ARHGAP39: variants seen among roughly 807,000 people sequenced by gnomAD.
The protein encoded by ARHGAP39 is Rho GTPase activating protein 39.
Under a neutral mutation model 106.9 loss-of-function variants are expected in ARHGAP39, and 44 were observed. That is an observed-to-expected ratio of 0.41 (90% confidence interval 0.32 to 0.53). The LOEUF is 0.53. Ranked by LOEUF, ARHGAP39 falls within the 20% of genes least tolerant of loss-of-function variation. ARHGAP39 has a pLI of 0.21. For missense variants in ARHGAP39, 1,496 were observed against 1,577.3 expected, an observed-to-expected ratio of 0.95 and a Z score of 0.87; for synonymous variants, 768 against 693.2, an observed-to-expected ratio of 1.11 and a Z score of -1.69.
intron 3 of ARHGAP39, among the ~76,000 whole-genome samples, chr8:144,565,509 C>T (rs542745529): frequency 1.2e-4 from 18 of 151,858 alleles, no homozygotes; most frequent in African/African-American, 2.4e-4. Context: ...GGCAATGTGG[C>T]GAAACCCCGT....
intron 1 of ARHGAP39, among the ~76,000 whole-genome samples, chr8:144,678,103 A>AAG (rs1822289754): frequency 6.6e-6 from 1 of 152,134 alleles, no homozygotes; most frequent in South Asian, 2.1e-4. Context: ...AATCTGCAGC[A>AAG]AGACATTCAG....
chr8:144,633,304 G>C (rs1404526382), intron 1 of ARHGAP39, among the ~76,000 whole-genome samples: 1 of 151,652 alleles, frequency 6.6e-6, no homozygotes, highest in Non-Finnish European at 1.5e-5. Flanking sequence ...TAAAAACACA[G>C]AAAAATTAGC....
intron 1 of ARHGAP39, among the ~76,000 whole-genome samples, chr8:144,617,958 T>C (rs796741176): frequency 6.6e-6 from 1 of 152,052 alleles, no homozygotes; most frequent in Non-Finnish European, 1.5e-5. Flanking sequence ...ATTTTTGTAT[T>C]TTTTCTAGAG....
rs760609039 is a variant in ARHGAP39, at chr8:144,547,507, G to A, written c.1579C>T (p.Pro527Ser). 4.7e-6 allele frequency: 7 copies of A among 1,498,372 alleles called. No homozygotes were observed. The highest frequency in any genetic ancestry group is 2.1e-5 in the Admixed American group (1 of 47,428). The allele number at this position is 1,498,372 out of a possible 1,614,324, so 92.8% of individuals were successfully genotyped here. ...GGGGCGAGGCTGGTCCCGCACGGGG[G>A]CTGTTCCTCGGCCAGGGGCTGCTCC... Reference protein sequence around the residue: ...LVEQPLAEEQPPCGTSLAPVK... With the variant: ...LVEQPLAEEQSPCGTSLAPVK... The change falls in exon 5 of 12, where the codon CCC becomes TCC. Residue 527 changes from proline (P) to serine (S), a missense_variant. Around this residue, in one of 4 missense-constraint regions of ARHGAP39, gnomAD observed 905 missense variants for 816.4 expected, o/e 1.11. Transcript: ENST00000377307. This position sits in a 1 kb window ranked among gnomAD's most constrained non-coding sequence, Gnocchi z 5.2.
chr8:144,654,193 A>C (rs1821640951), intron 1 of ARHGAP39, among the ~76,000 whole-genome samples: 1 of 152,196 alleles, frequency 6.6e-6, no homozygotes, highest in Admixed American at 6.5e-5. Flanking sequence ...GTAGTTGAAA[A>C]AATAATGGTC....
chr8:144,677,635 T>C (rs954182036), intron 1 of ARHGAP39, among the ~76,000 whole-genome samples: 3 of 151,542 alleles, frequency 2.0e-5, no homozygotes, highest in African/African-American at 4.9e-5. Context: ...CTCTCAAACA[T>C]AGTTGAAAAA....
chr8:144,590,927 G>A (rs1057354645), intron 2 of ARHGAP39, among the ~76,000 whole-genome samples: 4 of 152,148 alleles, frequency 2.6e-5, no homozygotes, highest in South Asian at 2.1e-4. Context: ...CCCCTGCCCC[G>A]TCCAGGCCAT....
intron 2 of ARHGAP39, among the ~76,000 whole-genome samples, chr8:144,595,058 A>C (rs987081954): frequency 6.6e-6 from 1 of 152,226 alleles, no homozygotes; most frequent in African/African-American, 2.4e-5. Context: ...AACCCCACAG[A>C]GTTACCACCT....
rs1297299861 is a variant in ARHGAP39, at chr8:144,679,776, C to T, written c.-82+5910G>A. Among the ~76,000 whole-genome samples the T allele has an allele frequency of 2.6e-5, 4 of 152,148 alleles. No individual in the cohort carries two copies. Among genetic ancestry groups the T allele is most frequent in the East Asian group, 3.9e-4 (2 of 5,194 alleles). On this transcript the variant is annotated intron_variant, in intron 1 of 11. Coordinates refer to ENST00000377307, the MANE Select transcript of ARHGAP39 (RefSeq NM_025251.3). The surrounding 1 kb of genome is among the most constrained non-coding windows in gnomAD (Gnocchi z 4.7). ...CGGGCGGATCACGAGGTCAGGAGATCGAGACCATCCTGGCTAACACAGTGA... is the reference window on the plus strand; with the variant it reads ...CGGGCGGATCACGAGGTCAGGAGATTGAGACCATCCTGGCTAACACAGTGA...
chr8:144,573,715 G>A (rs1436307910), intron 3 of ARHGAP39, among the ~76,000 whole-genome samples: 1 of 152,114 alleles, frequency 6.6e-6, no homozygotes, highest in East Asian at 1.9e-4. Flanking sequence ...TTTTGAAGGA[G>A]TCATAAAATC....
At chr8:144,643,788 C>G (rs187274135) in intron 1 of ARHGAP39, among the ~76,000 whole-genome samples, 2 of 152,208 alleles carry the variant, frequency 1.3e-5, no homozygotes, top group East Asian at 1.9e-4. Flanking sequence ...AACCACCATG[C>G]CTAGCTTGTC....
chr8:144,636,560 G>T (rs1158313390), intron 1 of ARHGAP39, among the ~76,000 whole-genome samples: 1 of 152,208 alleles, frequency 6.6e-6, no homozygotes, highest in African/African-American at 2.4e-5. Flanking sequence ...GGGACGCCTG[G>T]TACATCAGAG....
chr8:144,563,833 T>G (rs1220414514), intron 3 of ARHGAP39, among the ~76,000 whole-genome samples: 2 of 152,020 alleles, frequency 1.3e-5, no homozygotes, highest in East Asian at 3.8e-4. Flanking sequence ...AGTGCACAAT[T>G]AATGACTTTG....
intron 2 of ARHGAP39, among the ~76,000 whole-genome samples, chr8:144,595,005 G>A (rs978206500): frequency 3.3e-5 from 5 of 152,094 alleles, no homozygotes; most frequent in African/African-American, 9.7e-5. Context: ...TTGCACCTTC[G>A]CACTCCAGCC....
intron 1 of ARHGAP39, among the ~76,000 whole-genome samples, chr8:144,672,039 G>A (rs539912186): frequency 3.3e-5 from 5 of 152,312 alleles, no homozygotes; most frequent in East Asian, 1.9e-4. Context: ...CTGTGATTCC[G>A]GCACATGCTG....
At chr8:144,594,710 AG>A (rs1261973584) in intron 2 of ARHGAP39, among the ~76,000 whole-genome samples, 1 of 149,666 alleles carries the variant, frequency 6.7e-6, no homozygotes, top group Non-Finnish European at 1.5e-5. Context: ...AAAAAAAAAA[AG>A]GTTAAATATA....
At chr8:144,662,389 T>C (rs1276141171) in intron 1 of ARHGAP39, among the ~76,000 whole-genome samples, 1 of 141,774 alleles carries the variant, frequency 7.1e-6, no homozygotes, top group African/African-American at 2.7e-5. Flanking sequence ...CACTCCCCAT[T>C]ATTATCCAGC....
chr8:144,593,916 C>T (rs78119678), intron 2 of ARHGAP39, among the ~76,000 whole-genome samples: 1 of 151,956 alleles, frequency 6.6e-6, no homozygotes, highest in African/African-American at 2.4e-5. Context: ...TGGTGAAACC[C>T]CATCTCTACT....
rs1447161869 is a variant in ARHGAP39 at position 144,591,817 on chromosome 8, G to A, written c.81-10540C>T. Among the ~76,000 whole-genome samples, 1 of 152,222 alleles carries A rather than the reference G, an allele frequency of 6.6e-6. No homozygotes were observed. Among genetic ancestry groups the A allele is most frequent in the Non-Finnish European group, 1.5e-5 (1 of 68,028 alleles). On this transcript the variant is annotated intron_variant, in intron 2 of 11. Transcript: ENST00000377307. The surrounding 1 kb of genome is among the most constrained non-coding windows in gnomAD (Gnocchi z 5.3). ...AACAGCACAGCCTCCCTGCCTGGAA[G>A]GAACAGGCCCCGTGTGCCAGGGCGG...
Sources: gnomAD v4.1 joint callset for allele counts (sites outside exome capture counted in the v4.1 genomes callset) on GRCh38, gnomAD v4.1.1 for gene constraint, gnomAD v4.1.1 regional missense constraint, Gnocchi (gnomAD v3.1) non-coding constraint, MANE v1.5 for transcripts, NCBI Gene and HGNC (gene_info 2026-07-23, HGNC 2026-07-21) for gene names.